HELZ: variants seen among roughly 807,000 people sequenced by gnomAD.
HELZ encodes helicase with zinc finger, also known as ATP-dependent RNA helicase with zinc finger domain.
A neutral mutation model predicts 218.2 loss-of-function variants in HELZ; 23 were observed. The observed-to-expected ratio is 0.11, with a 90% CI of 0.08 to 0.15. The LOEUF (loss-of-function observed/expected upper bound fraction) is 0.15, where lower values mean the gene tolerates loss of function less well. HELZ is among the 10% of genes least tolerant of loss of function. HELZ has a pLI of 1.00. For missense variants in HELZ, 1,813 were observed against 2,353.7 expected (o/e 0.77, Z 4.75); for synonymous variants, 814 against 829.4 (o/e 0.98, Z 0.32).
rs957645427 is a variant in HELZ, at chr17:67,072,745, A to G, written c.*5507T>C. 1 of 152,262 alleles carries G rather than the reference A, an allele frequency of 6.6e-6. No individual in the cohort carries two copies. The highest frequency in any genetic ancestry group is 6.5e-5 in the Admixed American group (1 of 15,284). The allele number at this position is 152,262 out of a possible 1,614,324, so 9.4% of individuals were successfully genotyped here. A position where few individuals can be genotyped will look rare whatever the true frequency, so the allele number is the denominator to read the frequency against. ...CCACAAATGTTCCAGTCATGGCACCAGATTTATAAAAATGTCTCCAGAGAT... is the reference window on the plus strand; with the variant it reads ...CCACAAATGTTCCAGTCATGGCACCGGATTTATAAAAATGTCTCCAGAGAT... On this transcript the variant is annotated 3_prime_UTR_variant, in exon 33 of 33. Coordinates refer to ENST00000358691, the MANE Select transcript of HELZ (RefSeq NM_014877.4).
intron 3 of HELZ, among the ~76,000 whole-genome samples, chr17:67,238,949 T>G (rs1298366054): frequency 6.6e-6 from 1 of 152,232 alleles, no homozygotes; most frequent in Non-Finnish European, 1.5e-5. Flanking sequence ...GAAAAAAAGT[T>G]CAACCTTTTG....
At chr17:67,161,898 A>C (rs2039003773) in intron 15 of HELZ, among the ~76,000 whole-genome samples, 1 of 152,220 alleles carries the variant, frequency 6.6e-6, no homozygotes, top group Non-Finnish European at 1.5e-5. Context: ...CTACCGTTAA[A>C]ATACTATACG....
chr17:67,173,148 T>C, intron 13 of HELZ: 2 of 356,502 alleles, frequency 5.6e-6, no homozygotes, highest in Non-Finnish European at 7.8e-6. Context: ...ATTCATCACA[T>C]GTTCAAGATG....
chr17:67,168,141 G>C (rs1173805644), intron 13 of HELZ, among the ~76,000 whole-genome samples: 1 of 151,916 alleles, frequency 6.6e-6, no homozygotes, highest in Admixed American at 6.6e-5. Context: ...ACCACGCCCG[G>C]CTAATTTTTG....
At chr17:67,089,989 T>G (rs907681313) in intron 31 of HELZ, among the ~76,000 whole-genome samples, 1 of 152,038 alleles carries the variant, frequency 6.6e-6, no homozygotes. Context: ...CTTGCCTTAT[T>G]CCTAATCTTA....
At chr17:67,241,304 ATCT>A (rs1177432275) in intron 2 of HELZ, among the ~76,000 whole-genome samples, 2 of 152,178 alleles carry the variant, frequency 1.3e-5, no homozygotes, top group Non-Finnish European at 2.9e-5. Flanking sequence ...CTGGCCCGAA[ATCT>A]TCTATACATT....
chr17:67,161,469 T>G (rs1477449805), intron 15 of HELZ, among the ~76,000 whole-genome samples: 1 of 152,220 alleles, frequency 6.6e-6, no homozygotes, highest in Non-Finnish European at 1.5e-5. Context: ...GTAGGTTTTT[T>G]TGCATAACAA....
intron 32 of HELZ, among the ~76,000 whole-genome samples, chr17:67,083,609 CAA>C (rs2036265474): frequency 6.6e-6 from 1 of 152,196 alleles, no homozygotes; most frequent in Admixed American, 6.5e-5. Flanking sequence ...GTCTGGGTGT[CAA>C]GAGCAAGACT....
At chr17:67,126,014 T>G (rs2037784076) in intron 24 of HELZ, among the ~76,000 whole-genome samples, 1 of 152,124 alleles carries the variant, frequency 6.6e-6, no homozygotes, top group African/African-American at 2.4e-5. Context: ...AACAAGAACA[T>G]CAGTCCTATA....
chr17:67,177,389 A>G (rs1434515596), intron 13 of HELZ, among the ~76,000 whole-genome samples: 2 of 152,274 alleles, frequency 1.3e-5, no homozygotes, highest in South Asian at 2.1e-4. Flanking sequence ...TGCACATTCT[A>G]AAGTAATGGA....
intron 17 of HELZ, among the ~76,000 whole-genome samples, chr17:67,152,606 C>T (rs1263160455): frequency 6.6e-6 from 1 of 151,848 alleles, no homozygotes; most frequent in Non-Finnish European, 1.5e-5. Flanking sequence ...TTCAGAATTT[C>T]GTTTTGGGCA....
At chr17:67,156,548 A>G (rs888153506) in intron 17 of HELZ, among the ~76,000 whole-genome samples, 1 of 152,064 alleles carries the variant, frequency 6.6e-6, no homozygotes, top group Non-Finnish European at 1.5e-5. Context: ...AATCACATCG[A>G]TGTTTCCAGG....
At chr17:67,110,878 C>A (rs1251346821) in intron 28 of HELZ, among the ~76,000 whole-genome samples, 2 of 152,116 alleles carry the variant, frequency 1.3e-5, no homozygotes, top group African/African-American at 2.4e-5. Context: ...TAGAAGATAA[C>A]AATATGTAAA....
chr17:67,205,324 CAA>C (rs750485034), intron 5 of HELZ, among the ~76,000 whole-genome samples: 5 of 120,296 alleles, frequency 4.2e-5, no homozygotes, highest in South Asian at 2.7e-4. Context: ...GAAACTGTCT[CAA>C]AAAAAAAAAA....
At chr17:67,115,285 T>TA (rs1478399439) in intron 27 of HELZ, among the ~76,000 whole-genome samples, 14 of 151,942 alleles carry the variant, frequency 9.2e-5, no homozygotes, top group Admixed American at 2.0e-4. Context: ...AAAAGAATGT[T>TA]AAAAAAATTA....
chr17:67,185,476 T>C (rs2039729435), intron 12 of HELZ, among the ~76,000 whole-genome samples: 1 of 152,186 alleles, frequency 6.6e-6, no homozygotes, highest in South Asian at 2.1e-4. Context: ...AATGGTAAGA[T>C]ATTCAATGAC....
At chr17:67,118,008 G>A (rs1284373645) in intron 27 of HELZ, among the ~76,000 whole-genome samples, 2 of 152,070 alleles carry the variant, frequency 1.3e-5, no homozygotes, top group East Asian at 1.9e-4. Context: ...TCCAAATCCC[G>A]GAAGGCTTTT....
At chr17:67,133,319 G>A (rs547950224) in intron 23 of HELZ, among the ~76,000 whole-genome samples, 3 of 152,236 alleles carry the variant, frequency 2.0e-5, no homozygotes, top group African/African-American at 7.2e-5. Context: ...CATGGCCTCA[G>A]GAAGAATTAT....
chr17:67,203,127 A>G (rs185720635), intron 6 of HELZ, among the ~76,000 whole-genome samples, 192 bp downstream of exon 6: 6 of 152,314 alleles, frequency 3.9e-5, no homozygotes, highest in African/African-American at 1.4e-4. Flanking sequence ...TCTCAAAAAA[A>G]AGAAAAAAAC....
Sources: allele counts gnomAD v4.1 joint callset (sites outside exome capture counted in the v4.1 genomes callset), GRCh38; gene constraint gnomAD v4.1.1; transcripts MANE v1.5; gene names NCBI Gene and HGNC (gene_info 2026-07-23, HGNC 2026-07-21).